CCSER2: variants seen among roughly 807,000 people sequenced by gnomAD.
CCSER2 encodes serine-rich coiled-coil domain-containing protein 2.
In CCSER2, 46 loss-of-function variants were observed where a neutral mutation model predicts 92.3. The observed-to-expected ratio is 0.50, with a 90% CI of 0.39 to 0.64. The LOEUF is 0.64. Among genes scored for constraint, CCSER2 ranks in the 30% least tolerant of loss-of-function variants. The pLI is 0.00. For missense variants in CCSER2, 1,244 were observed against 1,238.9 expected, an observed-to-expected ratio of 1.00 and a Z score of -0.06; for synonymous variants, 433 against 431.4, an observed-to-expected ratio of 1.00 and a Z score of -0.04.
chr10:84,373,892 T>TA, intron 3 of CCSER2, 77 bp downstream of exon 3: 2 of 1,575,422 alleles, frequency 1.3e-6, no homozygotes, highest in Non-Finnish European at 1.7e-6. Context: ...ATTGATTTTG[T>TA]AAAAAATTTA....
At chr10:84,354,443 G>A (rs892042891) in intron 1 of CCSER2, among the ~76,000 whole-genome samples, 3 of 152,080 alleles carry the variant, frequency 2.0e-5, no homozygotes, top group Non-Finnish European at 4.4e-5. Flanking sequence ...TTACTTATAT[G>A]TGGAATTTGA....
At chr10:84,464,286 T>A (rs1846266165) in intron 7 of CCSER2, among the ~76,000 whole-genome samples, 2 of 152,198 alleles carry the variant, frequency 1.3e-5, no homozygotes, top group Non-Finnish European at 2.9e-5. Flanking sequence ...TAAGAGTTTT[T>A]AAAATATGAG....
In CCSER2 at chr10:84,503,916, T is replaced by C. The variant is rs1032210830; in HGVS notation, c.2326-9533T>C. On this transcript the variant is annotated intron_variant, in intron 9 of 9. Coordinates refer to ENST00000372088, the MANE Select transcript of CCSER2 (RefSeq NM_001284240.2). ...TTTATATTGTCTTACATCTTCTTTC[T>C]CTTACAAATTTCAGGGGGTGTTTCA... Among the ~76,000 whole-genome samples the C allele has an allele frequency of 3.3e-5, 5 of 152,246 alleles. No individual in the cohort carries two copies. The South Asian group carries it at 1.0e-3, about 31-fold the overall frequency.
At chr10:84,494,991 T>C (rs1456562955) in intron 9 of CCSER2, among the ~76,000 whole-genome samples, 1 of 125,690 alleles carries the variant, frequency 8.0e-6, no homozygotes, top group Non-Finnish European at 1.9e-5. Flanking sequence ...TTTTTTTTTT[T>C]CTTTCTTCTT....
chr10:84,367,393 T>C (rs1157371111), intron 1 of CCSER2, among the ~76,000 whole-genome samples: 1 of 152,018 alleles, frequency 6.6e-6, no homozygotes, highest in Non-Finnish European at 1.5e-5. Flanking sequence ...TTTTTTTTTT[T>C]TGAAACAGGG....
chr10:84,435,638 CAAAA>C (rs5786657), intron 5 of CCSER2, among the ~76,000 whole-genome samples: 24,063 of 107,208 alleles, frequency 0.22, 2,243 homozygotes, highest in Admixed American at 0.36. Flanking sequence ...CCATTCAGTG[CAAAA>C]AAAAAAAAAA....
chr10:84,484,928 T>G (rs186076817), intron 9 of CCSER2, among the ~76,000 whole-genome samples: 1 of 152,336 alleles, frequency 6.6e-6, no homozygotes, highest in Admixed American at 6.5e-5. Flanking sequence ...TACGAACAAA[T>G]TAAATATGGA....
At chr10:84,483,953 TTATATATATATATATATATATATA>T (rs57427963) in intron 9 of CCSER2, among the ~76,000 whole-genome samples, 5 of 48,046 alleles carry the variant, frequency 1.0e-4, no homozygotes, top group South Asian at 8.3e-4. Context: ...CCCGGCTAAT[TTATATATATATATATATATATATA>T]TATATATATA....
At chr10:84,427,652 C>T (rs1010321130) in intron 5 of CCSER2, among the ~76,000 whole-genome samples, 3 of 152,148 alleles carry the variant, frequency 2.0e-5, no homozygotes, top group Non-Finnish European at 2.9e-5. Context: ...ATGTTCTCAT[C>T]GTAATACTGC....
At chr10:84,401,370 A>G (rs926842823) in intron 3 of CCSER2, among the ~76,000 whole-genome samples, 13 of 152,220 alleles carry the variant, frequency 8.5e-5, no homozygotes, top group Non-Finnish European at 1.8e-4. Context: ...AGATACCGCT[A>G]CAAACTCCAC....
At position 84,374,101 on chromosome 10, in the gene CCSER2, C is replaced by T. The variant is rs1489089160; in HGVS notation, c.1614+286C>T. ...AATCTATGCCAGTGGTTCTCAAAGA[C>T]TGGGGGAGGAGGTCAATGACTGGAG... On this transcript the variant is annotated intron_variant, in intron 3 of 9. Transcript: ENST00000372088. 7 of 606,606 alleles carry T rather than the reference C, an allele frequency of 1.2e-5. No individual in the cohort carries two copies. The South Asian group carries it at 2.0e-4, about 17-fold the overall frequency. 37.6% of individuals were successfully genotyped at this position (606,606 alleles called of 1,614,324 possible).
chr10:84,397,923 T>C (rs954237076), intron 3 of CCSER2, among the ~76,000 whole-genome samples: 1 of 152,208 alleles, frequency 6.6e-6, no homozygotes, highest in African/African-American at 2.4e-5. Flanking sequence ...GGATTGACTC[T>C]AAAACAGTAG....
At chr10:84,483,864 C>T (rs1446869902) in intron 9 of CCSER2, among the ~76,000 whole-genome samples, 1 of 144,408 alleles carries the variant, frequency 6.9e-6, no homozygotes, top group Non-Finnish European at 1.5e-5. Context: ...CAGCTCACTG[C>T]AACATCTGCC....
intron 9 of CCSER2, among the ~76,000 whole-genome samples, chr10:84,486,544 T>C (rs1466247819): frequency 6.6e-6 from 1 of 152,252 alleles, no homozygotes; most frequent in Non-Finnish European, 1.5e-5. Flanking sequence ...ATGTCTTCTT[T>C]TGAGAAGTGT....
At chr10:84,487,678 A>G (rs898555400) in intron 9 of CCSER2, among the ~76,000 whole-genome samples, 1 of 152,196 alleles carries the variant, frequency 6.6e-6, no homozygotes, top group South Asian at 2.1e-4. Context: ...CAATTATGTC[A>G]TCTGCAAACA....
intron 9 of CCSER2, among the ~76,000 whole-genome samples, chr10:84,488,561 G>C (rs1000268416): frequency 2.6e-5 from 4 of 152,162 alleles, no homozygotes; most frequent in African/African-American, 9.7e-5. Flanking sequence ...ATGGTAGTTT[G>C]TATTTCTGTG....
chr10:84,483,531 G>T (rs1847579837), intron 9 of CCSER2, among the ~76,000 whole-genome samples: 1 of 151,994 alleles, frequency 6.6e-6, no homozygotes, highest in African/African-American at 2.4e-5. Context: ...CACATCAAAT[G>T]TTTATAATTT....
chr10:84,462,167 G>A (rs975598858), intron 6 of CCSER2, among the ~76,000 whole-genome samples: 4 of 152,168 alleles, frequency 2.6e-5, no homozygotes, highest in African/African-American at 4.8e-5. Flanking sequence ...GGGATGAACC[G>A]ATGAATTTAC....
intron 1 of CCSER2, among the ~76,000 whole-genome samples, chr10:84,343,092 C>T (rs1351141171): frequency 3.3e-5 from 5 of 152,110 alleles, no homozygotes; most frequent in African/African-American, 7.2e-5. Context: ...AGGCTGGTCT[C>T]GAACTCCTAA....
Sources: gnomAD v4.1 joint callset for allele counts (sites outside exome capture counted in the v4.1 genomes callset) on GRCh38, gnomAD v4.1.1 for gene constraint, MANE v1.5 for transcripts, NCBI Gene and HGNC (gene_info 2026-07-23, HGNC 2026-07-21) for gene names.